The following KCNB2 variants were observed in gnomAD, a reference collection of about 807,000 sequenced individuals.
KCNB2 encodes the protein potassium voltage-gated channel subfamily B member 2.
Under a neutral mutation model 61.5 loss-of-function variants are expected in KCNB2, and 15 were observed. The observed-to-expected ratio is 0.24, with a 90% CI of 0.16 to 0.38. The LOEUF is 0.38. Among genes scored for constraint, KCNB2 ranks in the 10% least tolerant of loss-of-function variants. The pLI is 1.00. For synonymous variants in KCNB2, 457 were observed against 446.0 expected (o/e 1.02, Z -0.31); for missense variants, 828 against 1,125.2 (o/e 0.74, Z 3.78).
At chr8:72,778,210 A>T (rs12542209) in intron 2 of KCNB2, among the ~76,000 whole-genome samples, 29,032 of 152,028 alleles carry the variant, frequency 0.19, 3,016 homozygotes, top group South Asian at 0.34. Flanking sequence ...TGCAGCTTAG[A>T]TTTCTAATTA....
At chr8:72,730,476 C>A (rs1221793693) in intron 2 of KCNB2, among the ~76,000 whole-genome samples, 2 of 152,092 alleles carry the variant, frequency 1.3e-5, no homozygotes, top group Non-Finnish European at 2.9e-5. Context: ...TTGTGATTTG[C>A]CTTTTTTATT....
At chr8:72,577,557 A>C (rs903097052) in intron 2 of KCNB2, among the ~76,000 whole-genome samples, 3 of 152,218 alleles carry the variant, frequency 2.0e-5, no homozygotes, top group African/African-American at 7.2e-5. Flanking sequence ...CTCATGGTCC[A>C]AGAATAGAAG....
intron 2 of KCNB2, among the ~76,000 whole-genome samples, chr8:72,640,363 C>A (rs1440161930): frequency 6.6e-6 from 1 of 151,958 alleles, no homozygotes; most frequent in Non-Finnish European, 1.5e-5. Context: ...TACCTATGGA[C>A]CAATCCTCTG....
intron 1 of KCNB2, among the ~76,000 whole-genome samples, chr8:72,557,478 C>T (rs2128977835): frequency 6.6e-6 from 1 of 152,240 alleles, no homozygotes; most frequent in East Asian, 1.9e-4. Context: ...AAATATCTTT[C>T]CTAGGACATG....
intron 2 of KCNB2, among the ~76,000 whole-genome samples, chr8:72,637,446 A>G (rs1409709035): frequency 6.6e-6 from 1 of 152,128 alleles, no homozygotes; most frequent in Non-Finnish European, 1.5e-5. Flanking sequence ...CAATCTATCC[A>G]GTGTAATTTC....
intron 2 of KCNB2, among the ~76,000 whole-genome samples, chr8:72,857,058 T>C (rs1298456808): frequency 6.6e-6 from 1 of 152,236 alleles, no homozygotes; most frequent in Non-Finnish European, 1.5e-5. Flanking sequence ...AGAAATATAA[T>C]CTTACTTCAT....
intron 2 of KCNB2, among the ~76,000 whole-genome samples, chr8:72,607,841 T>C (rs1280284712): frequency 1.3e-5 from 2 of 152,186 alleles, no homozygotes; most frequent in Admixed American, 1.3e-4. Context: ...ATTTAATTTG[T>C]GTAACACATT....
chr8:72,553,516 T>TA (rs1806377715), intron 1 of KCNB2, among the ~76,000 whole-genome samples: 1 of 152,156 alleles, frequency 6.6e-6, no homozygotes, highest in Non-Finnish European at 1.5e-5. Flanking sequence ...TCCCAGTTCA[T>TA]AAAATCGTGA....
At chr8:72,571,568 A>G (rs1806710856) in intron 2 of KCNB2, among the ~76,000 whole-genome samples, 1 of 152,234 alleles carries the variant, frequency 6.6e-6, no homozygotes, top group Non-Finnish European at 1.5e-5. Flanking sequence ...TGATTTGGCA[A>G]TGGGACACAG....
At chr8:72,909,123 TA>T (rs1806233849) in intron 2 of KCNB2, among the ~76,000 whole-genome samples, 2 of 152,108 alleles carry the variant, frequency 1.3e-5, no homozygotes. Context: ...CCTTAGAGAC[TA>T]ATGAGCCAAA....
intron 2 of KCNB2, among the ~76,000 whole-genome samples, chr8:72,676,491 C>T (rs1806655747): frequency 1.3e-5 from 2 of 151,000 alleles, no homozygotes; most frequent in African/African-American, 4.9e-5. Context: ...CCTTACACAT[C>T]CACTAATCCA....
chr8:72,659,926 T>C (rs1224140960), intron 2 of KCNB2, among the ~76,000 whole-genome samples: 1 of 152,238 alleles, frequency 6.6e-6, no homozygotes, highest in Non-Finnish European at 1.5e-5. Context: ...TTTAATGTAT[T>C]TTTACTTTAT....
intron 2 of KCNB2, among the ~76,000 whole-genome samples, chr8:72,908,550 C>G (rs1806223218): frequency 6.6e-6 from 1 of 152,104 alleles, no homozygotes. Flanking sequence ...CAGCTCATAG[C>G]ATAGTATAGG....
intron 2 of KCNB2, among the ~76,000 whole-genome samples, chr8:72,892,407 G>A (rs570974933): frequency 1.1e-4 from 16 of 152,200 alleles, no homozygotes; most frequent in Admixed American, 3.9e-4. Context: ...TGACCTCTTC[G>A]GTAAATTAAA....
At position 72,936,957 on chromosome 8, in the gene KCNB2, T is replaced by C. The variant is rs2129009487; in HGVS notation, c.1602T>C (p.His534=). The C allele has an allele frequency of 6.2e-7, 1 of 1,614,132 alleles. No individual in the cohort carries two copies. Among genetic ancestry groups the C allele is most frequent in the East Asian group, 2.2e-5 (1 of 44,878 alleles). The change falls in exon 3 of 3, where the codon CAT becomes CAC. Residue 534 remains histidine, a synonymous_variant. Coordinates refer to ENST00000523207, the MANE Select transcript of KCNB2 (RefSeq NM_004770.3). The surrounding 1 kb of genome is among the most constrained non-coding windows in gnomAD (Gnocchi z 5.6). ...ACACGTCTTCCTCCAGCCCACAGCA[T>C]CTGAGTGCCCAGAAACTGGAGATGC... The part of the protein sequence containing the change: ...LNNTSSSSPQ[H]LSAQKLEMLY...
intron 2 of KCNB2, among the ~76,000 whole-genome samples, chr8:72,840,197 G>A (rs145679162): frequency 0.2 from 30,278 of 152,054 alleles, 3,758 homozygotes; most frequent in Non-Finnish European, 0.28. Context: ...TGCTGAGAAC[G>A]ATGGTTTCCA....
chr8:72,560,467 T>C (rs919772276), intron 1 of KCNB2, among the ~76,000 whole-genome samples: 2 of 152,202 alleles, frequency 1.3e-5, no homozygotes, highest in Admixed American at 1.3e-4. Context: ...GCCTATTGTT[T>C]CCCATTCCTT....
At chr8:72,803,954 G>A (rs535089365) in intron 2 of KCNB2, among the ~76,000 whole-genome samples, 15 of 152,320 alleles carry the variant, frequency 9.8e-5, no homozygotes, top group African/African-American at 3.4e-4. Flanking sequence ...CACTTTACAA[G>A]GGTAGCAGAA....
chr8:72,606,816 A>G (rs1805459206), intron 2 of KCNB2, among the ~76,000 whole-genome samples: 2 of 152,156 alleles, frequency 1.3e-5, no homozygotes, highest in African/African-American at 4.8e-5. Context: ...AGGGAGAGTA[A>G]AAGTTAAGGC....
Sources: gnomAD v4.1 joint callset for allele counts (sites outside exome capture counted in the v4.1 genomes callset) on GRCh38, gnomAD v4.1.1 for gene constraint, Gnocchi (gnomAD v3.1) non-coding constraint, MANE v1.5 for transcripts, NCBI Gene and HGNC (gene_info 2026-07-23, HGNC 2026-07-21) for gene names.